The following NLGN4Y variants were observed in gnomAD, a reference collection of about 807,000 sequenced individuals.
NLGN4Y encodes neuroligin-4, Y-linked.
Under a neutral mutation model 8.4 loss-of-function variants are expected in NLGN4Y, and 4 were observed. The ratio of observed to expected loss-of-function variants is 0.48; its 90% CI spans 0.23 to 1.09. NLGN4Y has a LOEUF of 1.09. Ranked by LOEUF, NLGN4Y falls within the 50% of genes least tolerant of loss-of-function variation. NLGN4Y has a pLI of 0.19. For missense variants in NLGN4Y, 90 were observed against 192.3 expected (o/e 0.47, Z 3.15); for synonymous variants, 35 against 75.6 (o/e 0.46, Z 2.78).
rs72611610 is a variant in NLGN4Y at position 14,742,920 on chromosome Y, C to T, written c.685+19651C>T. On this transcript the variant is annotated intron_variant, in intron 4 of 6. Coordinates refer to ENST00000684976, the MANE Select transcript of NLGN4Y (RefSeq NM_001365588.1). Reference sequence around the variant, plus strand: ...TACATATAAATATTTATATTACATACGAATAATCATCACGTTCTGACAGAA... The same window carrying T: ...TACATATAAATATTTATATTACATATGAATAATCATCACGTTCTGACAGAA... Among the ~76,000 whole-genome samples, 1,168 of 31,623 alleles carry T rather than the reference C, an allele frequency of 0.037. No individual in the cohort carries two copies. The East Asian group carries it at 0.79, about 21-fold the overall frequency. 84.8% of individuals were successfully genotyped at this position (31,623 alleles called of 37,273 possible). A position where few individuals can be genotyped will look rare whatever the true frequency, so the allele number is the denominator to read the frequency against.
rs770540704 is a variant in NLGN4Y at position 14,622,015 on chromosome Y, T to C, written c.-105T>C. 5 of 199,544 alleles carry C rather than the reference T, an allele frequency of 2.5e-5. No individual in the cohort carries two copies. The highest frequency in any genetic ancestry group is 1.9e-4 in the South Asian group (5 of 27,000). The allele number at this position is 199,544 out of a possible 400,897, so 49.8% of individuals were successfully genotyped here. ...TGCTTTCTCCCTCCTTTAGGTTGCA[T>C]TGGAGTTTTCGAAAGACTTATCTTT... On this transcript the variant is annotated 5_prime_UTR_variant, in exon 2 of 7. Transcript: ENST00000684976.
At chrY:14,549,840 C>T in intron 1 of NLGN4Y, among the ~76,000 whole-genome samples, 1 of 32,947 alleles carries the variant, frequency 3.0e-5, no homozygotes, top group Admixed American at 2.7e-4. Flanking sequence ...AAGACTAATA[C>T]TCCCTAGGAA....
intron 2 of NLGN4Y, among the ~76,000 whole-genome samples, chrY:14,666,220 C>T: frequency 3.1e-5 from 1 of 32,524 alleles, no homozygotes; most frequent in South Asian, 7.0e-4. Flanking sequence ...TACAAGCATC[C>T]ACCACCACAT....
chrY:14,594,880 G>T, intron 1 of NLGN4Y, among the ~76,000 whole-genome samples: 2 of 32,871 alleles, frequency 6.1e-5, no homozygotes, highest in African/African-American at 2.4e-4. Flanking sequence ...CTGAGTCAAG[G>T]TCCCAGTGGG....
rs2043216252 is a variant in NLGN4Y at position 14,840,860 on chromosome Y, G to C, written c.2109G>C (p.Ala703=). ...TELSVTIAVG[A]SLLFLNILAF... is the part of the protein sequence containing the mutation. Reference sequence around the variant, plus strand: ...TAAGTGTCACCATTGCCGTCGGGGCGTCGCTCCTCTTCCTCAACATCTTAG... The same window carrying C: ...TAAGTGTCACCATTGCCGTCGGGGCCTCGCTCCTCTTCCTCAACATCTTAG... Residue 703 remains alanine (A), a synonymous_variant, in exon 7 of 7, where the codon GCG becomes GCC. Coordinates refer to ENST00000684976, the MANE Select transcript of NLGN4Y (RefSeq NM_001365588.1). 1 of 396,645 alleles carries C rather than the reference G, an allele frequency of 2.5e-6. No homozygotes were observed. The highest frequency in any genetic ancestry group is 6.4e-5 in the African/African-American group (1 of 15,509).
intron 1 of NLGN4Y, among the ~76,000 whole-genome samples, chrY:14,556,602 C>G: frequency 9.0e-5 from 3 of 33,311 alleles, no homozygotes; most frequent in Non-Finnish European, 1.5e-4. Flanking sequence ...ATCTCCCTAC[C>G]TTTTCAAGAT....
At chrY:14,779,370 T>C (rs2081139084) in intron 4 of NLGN4Y, among the ~76,000 whole-genome samples, 1 of 33,669 alleles carries the variant, frequency 3.0e-5, no homozygotes, top group Non-Finnish European at 7.3e-5. Context: ...TCTTTGTTAA[T>C]GTATAAGCAG....
At chrY:14,783,676 CTTCT>C (rs2042949985) in intron 4 of NLGN4Y, among the ~76,000 whole-genome samples, 1 of 33,943 alleles carries the variant, frequency 2.9e-5, no homozygotes, top group South Asian at 6.4e-4. Context: ...ACATCTGTAT[CTTCT>C]TTCAGAATAT....
intron 2 of NLGN4Y, among the ~76,000 whole-genome samples, chrY:14,635,216 A>G: frequency 3.0e-5 from 1 of 33,665 alleles, no homozygotes; most frequent in Middle Eastern, 0.014. Context: ...ATCCCAATGT[A>G]TACTCTTTGG....
At chrY:14,801,763 C>G in intron 4 of NLGN4Y, among the ~76,000 whole-genome samples, 1 of 32,465 alleles carries the variant, frequency 3.1e-5, no homozygotes, top group African/African-American at 1.2e-4. Context: ...ACAGCAAAGC[C>G]TGACTGCCTC....
At chrY:14,748,610 C>T in intron 4 of NLGN4Y, 1 of 184,408 alleles carries the variant, frequency 5.4e-6, no homozygotes, top group South Asian at 3.8e-5. Context: ...ATATTTCCAT[C>T]TCATTCAGCA....
chrY:14,655,807 G>T (rs754472030), intron 2 of NLGN4Y, among the ~76,000 whole-genome samples: 9 of 33,292 alleles, frequency 2.7e-4, no homozygotes, highest in Admixed American at 8.3e-4. Flanking sequence ...TGTCGTTGAG[G>T]ACAGTAGATA....
At chrY:14,773,276 G>A in intron 4 of NLGN4Y, among the ~76,000 whole-genome samples, 1 of 33,188 alleles carries the variant, frequency 3.0e-5, no homozygotes, top group Admixed American at 2.8e-4. Context: ...CACACCAATT[G>A]TAGACAAACA....
chrY:14,610,635 A>G, intron 1 of NLGN4Y, among the ~76,000 whole-genome samples: 1 of 32,670 alleles, frequency 3.1e-5, no homozygotes, highest in Non-Finnish European at 7.5e-5. Context: ...TTTGTAGTCC[A>G]CTTTAGAATA....
At chrY:14,820,297 T>C in intron 4 of NLGN4Y, among the ~76,000 whole-genome samples, 2 of 32,859 alleles carry the variant, frequency 6.1e-5, no homozygotes, top group Non-Finnish European at 1.5e-4. Context: ...TCCTAAGCAT[T>C]CTCCTCTTAG....
chrY:14,655,246 A>G (rs2080645315), intron 2 of NLGN4Y, among the ~76,000 whole-genome samples: 1 of 26,694 alleles, frequency 3.7e-5, no homozygotes, highest in African/African-American at 1.4e-4. Flanking sequence ...CCTGTTCCTT[A>G]CTTTATGAGA....
chrY:14,662,972 G>C, intron 2 of NLGN4Y, among the ~76,000 whole-genome samples: 3 of 32,910 alleles, frequency 9.1e-5, no homozygotes, highest in African/African-American at 3.6e-4. Flanking sequence ...TATTCTTTCT[G>C]ACTATAATTT....
chrY:14,572,816 A>G (rs2080277409), intron 1 of NLGN4Y, among the ~76,000 whole-genome samples: 1 of 33,312 alleles, frequency 3.0e-5, no homozygotes, highest in African/African-American at 1.2e-4. Context: ...AAAGTTGTTG[A>G]GTTTTGTCAA....
intron 1 of NLGN4Y, among the ~76,000 whole-genome samples, chrY:14,583,620 A>G (rs770925140): frequency 3.3e-4 from 11 of 33,656 alleles, no homozygotes; most frequent in Non-Finnish European, 6.6e-4. Flanking sequence ...TGTTCCTGAT[A>G]CACAACATGC....
Sources: gnomAD v4.1 joint callset for allele counts (sites outside exome capture counted in the v4.1 genomes callset) on GRCh38, gnomAD v4.1.1 for gene constraint, MANE v1.5 for transcripts, NCBI Gene and HGNC (gene_info 2026-07-23, HGNC 2026-07-21) for gene names.